DNAAF9: variants seen among roughly 807,000 people sequenced by gnomAD.
DNAAF9 encodes the protein dynein axonemal assembly factor 9.
A neutral mutation model predicts 167.0 loss-of-function variants in DNAAF9; 90 were observed. The observed-to-expected ratio is 0.54, with a 90% CI of 0.45 to 0.64. The LOEUF is 0.64. Ranked by LOEUF, DNAAF9 falls within the 30% of genes least tolerant of loss-of-function variation. The pLI, the probability that DNAAF9 is intolerant of heterozygous loss-of-function variation, is 0.00. For synonymous variants in DNAAF9, 491 were observed against 508.8 expected (o/e 0.96, Z 0.47); for missense variants, 1,315 against 1,442.2 (o/e 0.91, Z 1.43).
chr20:3,386,200 T>C (rs905493386), intron 1 of DNAAF9, among the ~76,000 whole-genome samples: 5 of 152,030 alleles, frequency 3.3e-5, no homozygotes, highest in Admixed American at 6.6e-5. Flanking sequence ...AAAGAAAAAG[T>C]GGGAGGAATC....
intron 20 of DNAAF9, among the ~76,000 whole-genome samples, chr20:3,311,201 T>C (rs6076507): frequency 0.26 from 39,314 of 152,078 alleles, 5,332 homozygotes; most frequent in East Asian, 0.37. Flanking sequence ...AGTACAGTGG[T>C]GAGATCATAG....
rs188466296 is a variant in DNAAF9, at chr20:3,262,336, C to T, written c.2873+2102G>A. ...TGCGATCTTGGCTTGCTGCAAGCTT[C>T]GCCTCCCGGGTTCACGCCATTCTCC... On this transcript the variant is annotated intron_variant, in intron 31 of 36. Coordinates refer to ENST00000252032, the MANE Select transcript of DNAAF9 (RefSeq NM_001009984.3). 3.4e-5 allele frequency among the ~76,000 whole-genome samples: 5 copies of T among 149,022 alleles called. No individual in the cohort carries two copies. The East Asian group carries it at 5.9e-4, about 18-fold the overall frequency.
At chr20:3,351,915 C>G (rs1484828199) in intron 7 of DNAAF9, among the ~76,000 whole-genome samples, 1 of 151,762 alleles carries the variant, frequency 6.6e-6, no homozygotes, top group East Asian at 1.9e-4. Flanking sequence ...GTGGCATGAT[C>G]TCAGCTAAAT....
rs540627211 is a variant in DNAAF9 at position 3,373,762 on chromosome 20, G to A, written c.612+286C>T. The stretch of plus-strand genomic sequence containing the variant: ...CAGGATCATAAAAGCTGTAGGAAAA[G>A]TCAATCTAGGGGGCTACAGGAGCAG... On this transcript the variant is annotated intron_variant, in intron 6 of 36. Coordinates refer to ENST00000252032, the MANE Select transcript of DNAAF9 (RefSeq NM_001009984.3). Among the ~76,000 whole-genome samples, 40 of 152,308 alleles carry A rather than the reference G, an allele frequency of 2.6e-4. 1 individual carries two copies. The highest frequency in any genetic ancestry group is 8.4e-4 in the African/African-American group (35 of 41,576).
chr20:3,278,875 C>A, intron 29 of DNAAF9, 37 bp downstream of exon 29: 2 of 1,441,480 alleles, frequency 1.4e-6, no homozygotes, highest in Non-Finnish European at 2.0e-6. Context: ...ACTGAACTTG[C>A]AAGGCATGCA....
At chr20:3,262,248 C>CTTTTT (rs953323176) in intron 31 of DNAAF9, among the ~76,000 whole-genome samples, 1 of 131,676 alleles carries the variant, frequency 7.6e-6, no homozygotes, top group Non-Finnish European at 1.6e-5. Context: ...AGTTCACATT[C>CTTTTT]TTTTTTTTTT....
intron 2 of DNAAF9, 135 bp from the exon 3 acceptor site, chr20:3,381,633 C>A: frequency 1.4e-6 from 1 of 702,866 alleles, no homozygotes; most frequent in Non-Finnish European, 2.2e-6. Flanking sequence ...TGCCAGAAAC[C>A]AAGCTAACCA....
In DNAAF9 at chr20:3,296,905, T is replaced by C; in HGVS notation, c.1974A>G (p.Leu658=). The C allele has an allele frequency of 6.2e-7, 1 of 1,611,694 alleles. No individual in the cohort carries two copies. Among genetic ancestry groups the C allele is most frequent in the South Asian group, 1.1e-5 (1 of 90,992 alleles). Residue 658 remains leucine, a synonymous_variant, in exon 23 of 37, where the codon TTA becomes TTG. Coordinates refer to ENST00000252032, the MANE Select transcript of DNAAF9 (RefSeq NM_001009984.3). ...ATAATCCATCTTCCTGGATCACTTT[T>C]AAAGAGATCCCTGAGTTATCCTGCT... ...WKQQDNSGIS[L]KVIQEDGLSV...
intron 27 of DNAAF9, among the ~76,000 whole-genome samples, chr20:3,286,281 A>T (rs1163924733): frequency 6.6e-6 from 1 of 152,198 alleles, no homozygotes; most frequent in East Asian, 1.9e-4. Context: ...TTTACAGTAT[A>T]AGAGTGGTCT....
intron 21 of DNAAF9, among the ~76,000 whole-genome samples, chr20:3,298,889 A>G (rs1360610202): frequency 6.9e-6 from 1 of 145,928 alleles, no homozygotes; most frequent in African/African-American, 2.5e-5. Flanking sequence ...TTCTTCAAAG[A>G]GTTTTATTGT....
intron 27 of DNAAF9, among the ~76,000 whole-genome samples, chr20:3,286,841 C>T (rs763219406): frequency 6.6e-6 from 1 of 152,206 alleles, no homozygotes; most frequent in Non-Finnish European, 1.5e-5. Flanking sequence ...CACAAAAGCA[C>T]TTTGTAAGAA....
chr20:3,337,975 T>C (rs1276432879), intron 10 of DNAAF9, among the ~76,000 whole-genome samples: 1 of 147,518 alleles, frequency 6.8e-6, no homozygotes, highest in Admixed American at 6.8e-5. Context: ...ATATATAATA[T>C]ATAAAATATA....
At chr20:3,388,678 T>C (rs942371571) in intron 1 of DNAAF9, among the ~76,000 whole-genome samples, 1 of 152,206 alleles carries the variant, frequency 6.6e-6, no homozygotes, top group Non-Finnish European at 1.5e-5. Flanking sequence ...GTAAGTGAAA[T>C]CCAGCCATAA....
intron 5 of DNAAF9, among the ~76,000 whole-genome samples, chr20:3,374,762 A>C: frequency 6.6e-6 from 1 of 152,222 alleles, no homozygotes; most frequent in Non-Finnish European, 1.5e-5. Context: ...TTTGTATAGT[A>C]AGTGATACAG....
intron 27 of DNAAF9, among the ~76,000 whole-genome samples, chr20:3,285,831 T>C (rs1487561972): frequency 2.0e-5 from 3 of 150,342 alleles, no homozygotes; most frequent in Non-Finnish European, 3.0e-5. Flanking sequence ...AATACAAAAA[T>C]TACTCGGGTG....
intron 1 of DNAAF9, among the ~76,000 whole-genome samples, chr20:3,406,940 T>C (rs563891625): frequency 1.3e-5 from 2 of 151,814 alleles, no homozygotes; most frequent in South Asian, 2.1e-4. Flanking sequence ...AAGGAAGCCG[T>C]TGTCAAGGGC....
Position 3,256,222 on chromosome 20 carries a change from A to AAT in DNAAF9, c.3056-13_3056-12dup. On this transcript the variant is annotated splice_polypyrimidine_tract_variant and intron_variant, in intron 33 of 36. Coordinates refer to ENST00000252032, the MANE Select transcript of DNAAF9 (RefSeq NM_001009984.3). ...TGGTCCTCTCAGAGTCTGTAAGGAG[A>AAT]ATACACATTAGTCCCTGAGAGCCTG... The AAT allele has an allele frequency of 6.3e-7, 1 of 1,592,996 alleles. No homozygotes were observed. The highest frequency in any genetic ancestry group is 8.6e-7 in the Non-Finnish European group (1 of 1,160,822).
At chr20:3,310,355 AAG>A (rs2069387838) in intron 20 of DNAAF9, among the ~76,000 whole-genome samples, 1 of 149,894 alleles carries the variant, frequency 6.7e-6, no homozygotes, top group South Asian at 2.1e-4. Context: ...GAAAGAAAGA[AAG>A]AAAGAAAGAA....
At chr20:3,283,515 C>T (rs996380348) in intron 27 of DNAAF9, among the ~76,000 whole-genome samples, 2 of 152,210 alleles carry the variant, frequency 1.3e-5, no homozygotes, top group Non-Finnish European at 2.9e-5. Context: ...CCTGCCTGGG[C>T]ATGTATGTAT....
Sources: allele counts gnomAD v4.1 joint callset (sites outside exome capture counted in the v4.1 genomes callset), GRCh38; gene constraint gnomAD v4.1.1; transcripts MANE v1.5; gene names NCBI Gene and HGNC (gene_info 2026-07-23, HGNC 2026-07-21).